The following NCOA4 variants were observed in gnomAD, a reference collection of about 807,000 sequenced individuals.
NCOA4 encodes nuclear receptor coactivator 4.
Under a neutral mutation model 69.5 loss-of-function variants are expected in NCOA4, and 31 were observed. The ratio of observed to expected loss-of-function variants is 0.45; its 90% confidence interval spans 0.34 to 0.60. The LOEUF is 0.60. NCOA4 is among the 20% of genes least tolerant of loss of function. The probability of loss-of-function intolerance (pLI) is 0.02; values close to 1 mark genes in which losing one functional copy is unlikely to be tolerated. For missense variants in NCOA4, 600 were observed against 719.2 expected (o/e 0.83, Z 1.90); for synonymous variants, 228 against 252.4 (o/e 0.90, Z 0.92).
intron 7 of NCOA4, among the ~76,000 whole-genome samples, chr10:46,011,986 G>A (rs911092959): frequency 8.0e-5 from 11 of 137,238 alleles, no homozygotes; most frequent in Admixed American, 3.9e-4. Flanking sequence ...GCATGAACCC[G>A]CAGGACGGAG....
rs782011122 is a variant in NCOA4 at position 46,013,540 on chromosome 10, G to A, written c.570+10C>T. 5.7e-6 allele frequency: 9 copies of A among 1,590,840 alleles called. No homozygotes were observed. The Admixed American group carries it at 6.8e-5, about 12-fold the overall frequency. Reference sequence around the variant, plus strand: ...ATGACTCAATTACCAAAAACAAAATGATATTTTACCTGCTCTGGCATGGAG... The same window carrying A: ...ATGACTCAATTACCAAAAACAAAATAATATTTTACCTGCTCTGGCATGGAG... On this transcript the variant is annotated intron_variant, in intron 6 of 9. Coordinates refer to ENST00000581486, the MANE Select transcript of NCOA4 (RefSeq NM_001145263.2).
At chr10:46,015,402 C>T in intron 2 of NCOA4, 136 bp from the exon 3 acceptor site, 2 of 725,512 alleles carry the variant, frequency 2.8e-6, no homozygotes, top group Non-Finnish European at 4.6e-6. Context: ...TATCCAATGA[C>T]ATCTATGAAG....
At chr10:46,015,823 C>T (rs1199860871) in intron 2 of NCOA4, among the ~76,000 whole-genome samples, 1 of 152,134 alleles carries the variant, frequency 6.6e-6, no homozygotes, top group Non-Finnish European at 1.5e-5. Flanking sequence ...CACATGTCAA[C>T]AGCTAAAAGA....
chr10:46,026,939 A>G (rs1171507651), intron 1 of NCOA4, among the ~76,000 whole-genome samples: 1 of 152,176 alleles, frequency 6.6e-6, no homozygotes, highest in Admixed American at 6.5e-5. Flanking sequence ...AATCAAGCCA[A>G]GCAAAATTAG....
At chr10:46,012,229 T>C (rs1839278847) in intron 7 of NCOA4, among the ~76,000 whole-genome samples, 1 of 152,014 alleles carries the variant, frequency 6.6e-6, no homozygotes, top group Non-Finnish European at 1.5e-5. Context: ...GGGAAGCAGG[T>C]ACCCTGAATA....
intron 1 of NCOA4, among the ~76,000 whole-genome samples, chr10:46,021,103 C>A (rs1378369487): frequency 6.6e-6 from 1 of 152,174 alleles, no homozygotes; most frequent in Non-Finnish European, 1.5e-5. Context: ...TTGCACAAAT[C>A]TATTTGTGAA....
intron 8 of NCOA4, 136 bp downstream of exon 8, chr10:46,010,087 G>C (rs1168496163): frequency 1.2e-5 from 13 of 1,111,180 alleles, no homozygotes; most frequent in Non-Finnish European, 1.6e-5. Flanking sequence ...GGGATGGCTG[G>C]AGCCTCGGAA....
At chr10:46,009,248 A>C (rs781826948) in intron 9 of NCOA4, 163 bp downstream of exon 9, 2 of 1,514,094 alleles carry the variant, frequency 1.3e-6, no homozygotes, top group South Asian at 2.4e-5. Context: ...ATTAAAATAC[A>C]TCAACTTTTT....
Position 46,011,223 on chromosome 10 carries a change from C to T in NCOA4, c.715-17G>A, listed in dbSNP as rs73314064. 4,110 of 1,562,780 alleles carry T rather than the reference C, an allele frequency of 2.6e-3. 66 individuals carry two copies. The African/African-American group carries it at 0.043, about 16-fold the overall frequency. On this transcript the variant is annotated splice_polypyrimidine_tract_variant and intron_variant, in intron 7 of 9. Coordinates refer to ENST00000581486, the MANE Select transcript of NCOA4 (RefSeq NM_001145263.2). Reference sequence around the variant, plus strand: ...GGAAGAAGTCTACACAAAAAGTACACAGTATTAGTTTGCCAGAACAATTAT... The same window carrying T: ...GGAAGAAGTCTACACAAAAAGTACATAGTATTAGTTTGCCAGAACAATTAT...
chr10:46,018,034 G>A (rs1186636627), intron 1 of NCOA4, among the ~76,000 whole-genome samples: 3 of 152,198 alleles, frequency 2.0e-5, no homozygotes, highest in South Asian at 2.1e-4. Context: ...AAGACTATAT[G>A]TTATCACTGT....
chr10:46,024,357 C>G (rs1490679593), intron 1 of NCOA4, among the ~76,000 whole-genome samples: 1 of 152,070 alleles, frequency 6.6e-6, no homozygotes, highest in African/African-American at 2.4e-5. Flanking sequence ...TTTTATGTGC[C>G]TCTGAAAAAT....
chr10:46,016,440 G>GA, intron 2 of NCOA4, 100 bp downstream of exon 2: 3 of 1,156,428 alleles, frequency 2.6e-6, no homozygotes, highest in Non-Finnish European at 3.4e-6. Flanking sequence ...GGCATGGGGT[G>GA]AAATTTTTTG....
At position 46,006,518 on chromosome 10, in the gene NCOA4, T is replaced by A. The variant is rs1249729963; in HGVS notation, c.*74A>T. On this transcript the variant is annotated 3_prime_UTR_variant, in exon 10 of 10. Transcript: ENST00000581486. The stretch of plus-strand genomic sequence containing the variant: ...TGGTCAGACCCAGAAACACAAAGAT[T>A]TGGCAAGCTGCAGTCACTCAGCTCA... The A allele has an allele frequency of 1.9e-6, 3 of 1,569,234 alleles. No individual in the cohort carries two copies. The highest frequency in any genetic ancestry group is 1.1e-5 in the South Asian group (1 of 90,090).
intron 2 of NCOA4, among the ~76,000 whole-genome samples, chr10:46,015,956 C>T (rs1839516605): frequency 6.6e-6 from 1 of 152,174 alleles, no homozygotes; most frequent in South Asian, 2.1e-4. Flanking sequence ...CATAAATTAT[C>T]CGTGACAATA....
At chr10:46,009,596 G>A (rs1554920631) in intron 8 of NCOA4, 45 bp from the exon 9 acceptor site, 2 of 1,539,264 alleles carry the variant, frequency 1.3e-6, no homozygotes, top group African/African-American at 2.8e-5. Flanking sequence ...AAACAAGGAG[G>A]CATGAGACCA....
chr10:46,016,130 T>C, intron 2 of NCOA4, among the ~76,000 whole-genome samples: 1 of 152,290 alleles, frequency 6.6e-6, no homozygotes, highest in Middle Eastern at 3.4e-3. Flanking sequence ...TACAGAACAA[T>C]GCCATTAACC....
chr10:46,022,456 G>C (rs538015186), intron 1 of NCOA4: 3 of 465,054 alleles, frequency 6.5e-6, no homozygotes, highest in Admixed American at 2.4e-5. Flanking sequence ...TTTTTTTAAA[G>C]GTTGGTTTTG....
chr10:46,014,809 A>G (rs1839441764), intron 4 of NCOA4, 45 bp downstream of exon 4: 4 of 1,508,694 alleles, frequency 2.7e-6, no homozygotes, highest in African/African-American at 1.4e-5. Flanking sequence ...TTAGTATACC[A>G]AAGTTCAAGA....
intron 9 of NCOA4, 69 bp downstream of exon 9, chr10:46,009,342 T>A (rs376219634): frequency 1.3e-6 from 2 of 1,551,506 alleles, no homozygotes; most frequent in East Asian, 4.5e-5. Context: ...TATGACTTCA[T>A]ATGTAAGACA....
Sources: allele counts gnomAD v4.1 joint callset (sites outside exome capture counted in the v4.1 genomes callset), GRCh38; gene constraint gnomAD v4.1.1; transcripts MANE v1.5; gene names NCBI Gene and HGNC (gene_info 2026-07-23, HGNC 2026-07-21).